CAST: variants seen among roughly 807,000 people sequenced by gnomAD.
CAST encodes the protein MIR583 host.
CAST carries 76 observed loss-of-function variants against 119.6 expected under a neutral mutation model. That is an observed-to-expected ratio of 0.64 (90% CI 0.53 to 0.77). The LOEUF is 0.77. Ranked by LOEUF, CAST falls within the 30% of genes least tolerant of loss-of-function variation. The pLI, the probability that CAST is intolerant of heterozygous loss-of-function variation, is 0.00. For synonymous variants in CAST, 319 were observed against 331.6 expected (o/e 0.96, Z 0.41); for missense variants, 953 against 946.5 (o/e 1.01, Z -0.09).
the CAST span, among the ~76,000 whole-genome samples, chr5:96,359,158 C>T: frequency 6.6e-6 from 1 of 152,060 alleles, no homozygotes; most frequent in Non-Finnish European, 1.5e-5. Context: ...GATTGCAACC[C>T]CTGCTTTTTC....
chr5:96,050,316 A>G, the CAST span: 1,179 of 151,710 alleles, frequency 7.8e-3, 12 homozygotes, highest in Non-Finnish European at 0.011. Context: ...TAAGAAGTGA[A>G]CCACTTGGAT....
chr5:96,089,982 G>T, the CAST span, among the ~76,000 whole-genome samples: 2 of 152,090 alleles, frequency 1.3e-5, no homozygotes, highest in African/African-American at 4.8e-5. Context: ...AATTAGCTGT[G>T]TGACACTCTG....
chr5:96,743,324 G>A (rs1763070622), intron 16 of CAST, among the ~76,000 whole-genome samples: 1 of 152,190 alleles, frequency 6.6e-6, no homozygotes, highest in South Asian at 2.1e-4. Flanking sequence ...TCTGGTGTAC[G>A]AAAGTTTTAA....
At chr5:96,241,665 T>A in the CAST span, among the ~76,000 whole-genome samples, 1 of 141,540 alleles carries the variant, frequency 7.1e-6, no homozygotes, top group Non-Finnish European at 1.6e-5. Flanking sequence ...GTTGAACTAG[T>A]TTACAGTCCC....
At chr5:96,592,747 C>T (rs1332568018) in intron 1 of CAST, among the ~76,000 whole-genome samples, 3 of 149,806 alleles carry the variant, frequency 2.0e-5, no homozygotes, top group Non-Finnish European at 3.0e-5. Flanking sequence ...TTGGCACTTA[C>T]ATTTCTGTTT....
At chr5:96,627,962 G>A (rs373341775) in intron 1 of CAST, among the ~76,000 whole-genome samples, 19 of 152,322 alleles carry the variant, frequency 1.2e-4, no homozygotes, top group African/African-American at 2.6e-4. Flanking sequence ...TTGTTGCTCC[G>A]TTGATTGACA....
Position 96,772,898 on chromosome 5 carries a change from T to C in CAST, c.*282T>C, listed in dbSNP as rs1028344206. On this transcript the variant is annotated 3_prime_UTR_variant, in exon 32 of 32. Transcript: ENST00000675179. ...GAAAGCTTTATATTTGTAAGAAATA[T>C]ATTTGATAAAGTTTCTTAAAGCAAC... 4 of 153,748 alleles carry C rather than the reference T, an allele frequency of 2.6e-5. No homozygotes were observed. The highest frequency in any genetic ancestry group is 4.4e-5 in the Non-Finnish European group (3 of 68,016). The allele number at this position is 153,748 out of a possible 1,614,324, so 9.5% of individuals were successfully genotyped here. A position where few individuals can be genotyped will look rare whatever the true frequency, so the allele number is the denominator to read the frequency against.
the CAST span, chr5:96,400,047 C>A: frequency 6.2e-7 from 1 of 1,614,156 alleles, no homozygotes; most frequent in Non-Finnish European, 8.5e-7. Context: ...AGAGCTTTGG[C>A]ATTTAGCAAG....
the CAST span, among the ~76,000 whole-genome samples, chr5:95,989,049 T>C: frequency 1.3e-5 from 2 of 152,236 alleles, no homozygotes; most frequent in African/African-American, 4.8e-5. Context: ...CCACTTGTGC[T>C]ACTGTACTTG....
the CAST span, among the ~76,000 whole-genome samples, chr5:96,176,466 G>C: frequency 6.6e-6 from 1 of 152,306 alleles, no homozygotes; most frequent in Non-Finnish European, 1.5e-5. Context: ...CCTTCATTCT[G>C]TCTACATTCT....
chr5:96,485,685 A>G, the CAST span, among the ~76,000 whole-genome samples: 6 of 152,170 alleles, frequency 3.9e-5, no homozygotes, highest in Non-Finnish European at 7.4e-5. Flanking sequence ...GGTAATAGTC[A>G]TATCAGCTGT....
intron 2 of CAST, among the ~76,000 whole-genome samples, chr5:96,682,601 G>A (rs56843965): frequency 0.024 from 3,593 of 152,158 alleles, 149 homozygotes; most frequent in African/African-American, 0.082. Flanking sequence ...TGGTGGTTTT[G>A]AGAGGCAAAA....
the CAST span, among the ~76,000 whole-genome samples, chr5:96,476,439 C>A: frequency 2.0e-5 from 3 of 152,128 alleles, no homozygotes; most frequent in Non-Finnish European, 4.4e-5. Flanking sequence ...GCCCTCCCAG[C>A]AATATTTCTA....
the CAST span, chr5:96,397,461 T>A: frequency 6.2e-7 from 1 of 1,612,980 alleles, no homozygotes; most frequent in South Asian, 1.1e-5. Flanking sequence ...AAGAGCACAG[T>A]GCTAGTTCCT....
chr5:96,303,312 A>G, the CAST span, among the ~76,000 whole-genome samples: 32 of 152,314 alleles, frequency 2.1e-4, no homozygotes, highest in African/African-American at 7.7e-4. Flanking sequence ...GAGGATTACA[A>G]TTCCACATGA....
the CAST span, among the ~76,000 whole-genome samples, chr5:96,216,549 C>T: frequency 2.0e-5 from 3 of 152,258 alleles, no homozygotes; most frequent in African/African-American, 7.2e-5. Context: ...ATCTTTTACC[C>T]ACACATGATT....
intron 1 of CAST, among the ~76,000 whole-genome samples, chr5:96,554,830 A>G (rs575366378): frequency 6.6e-6 from 1 of 152,364 alleles, no homozygotes; most frequent in East Asian, 1.9e-4. Flanking sequence ...CATTAGAAAA[A>G]TGCAAATCAA....
At chr5:96,266,681 C>G in the CAST span, among the ~76,000 whole-genome samples, 1 of 152,124 alleles carries the variant, frequency 6.6e-6, no homozygotes, top group Admixed American at 6.6e-5. Flanking sequence ...CAAAGAATCT[C>G]TAAGCAAACA....
intron 3 of CAST, among the ~76,000 whole-genome samples, chr5:96,722,342 C>A (rs1193922256): frequency 6.6e-6 from 1 of 152,148 alleles, no homozygotes; most frequent in South Asian, 2.1e-4. Flanking sequence ...TAATAATAAA[C>A]TTACAAGGTA....
Sources: gnomAD v4.1 joint callset for allele counts (sites outside exome capture counted in the v4.1 genomes callset) on GRCh38, gnomAD v4.1.1 for gene constraint, MANE v1.5 for transcripts, NCBI Gene and HGNC (gene_info 2026-07-23, HGNC 2026-07-21) for gene names.